The following TSHZ2 variants were observed in gnomAD, a reference collection of about 807,000 sequenced individuals.
TSHZ2 encodes teashirt zinc finger homeobox 2.
TSHZ2 carries 21 observed loss-of-function variants against 74.4 expected under a neutral mutation model. That is an observed-to-expected ratio of 0.28 (90% CI 0.20 to 0.41). The LOEUF (loss-of-function observed/expected upper bound fraction) is 0.41, where lower values mean the gene tolerates loss of function less well. TSHZ2 is among the 10% of genes least tolerant of loss of function. The pLI is 1.00. For synonymous variants in TSHZ2, 540 were observed against 515.3 expected (o/e 1.05, Z -0.65); for missense variants, 1,244 against 1,293.5 (o/e 0.96, Z 0.59).
chr20:53,134,370 G>A (rs1012104190), intron 1 of TSHZ2, among the ~76,000 whole-genome samples: 4 of 152,192 alleles, frequency 2.6e-5, no homozygotes, highest in African/African-American at 9.6e-5. Context: ...GAAAGGTTTT[G>A]TAAAAAAGAA....
intron 1 of TSHZ2, among the ~76,000 whole-genome samples, chr20:52,991,223 T>C (rs13036776): frequency 0.25 from 34,121 of 137,656 alleles, 1,420 homozygotes; most frequent in Non-Finnish European, 0.35. Flanking sequence ...GGATTATGTA[T>C]GTTGTGGGTA....
chr20:53,214,775 AGGGTG>A (rs912237883), intron 1 of TSHZ2, among the ~76,000 whole-genome samples: 2 of 152,150 alleles, frequency 1.3e-5, no homozygotes, highest in African/African-American at 4.8e-5. Flanking sequence ...GAAGGAAGGG[AGGGTG>A]TGTAGAGTGT....
intron 2 of TSHZ2, among the ~76,000 whole-genome samples, chr20:53,312,576 T>C (rs148117666): frequency 4.6e-4 from 70 of 152,362 alleles, no homozygotes; most frequent in African/African-American, 1.6e-3. Flanking sequence ...CCAGTCGCTC[T>C]ATCTCTCTAA....
intron 2 of TSHZ2, among the ~76,000 whole-genome samples, chr20:53,419,912 G>A (rs1983406522): frequency 1.3e-5 from 2 of 152,338 alleles, no homozygotes; most frequent in South Asian, 4.1e-4. Context: ...AATACGTCCT[G>A]CTGAGCCAGG....
At chr20:52,973,757 G>A (rs920106830) in intron 1 of TSHZ2, among the ~76,000 whole-genome samples, 2 of 152,134 alleles carry the variant, frequency 1.3e-5, no homozygotes, top group Admixed American at 1.3e-4. Context: ...TGGGGCTTGG[G>A]GCGCTGAAGT....
Position 53,149,777 on chromosome 20 carries a change from G to A in TSHZ2, c.41-103722G>A, listed in dbSNP as rs181513478. On this transcript the variant is annotated intron_variant, in intron 1 of 2. Transcript: ENST00000371497. Reference sequence around the variant, plus strand: ...AAAGCAGAGGGTCCCAATAAATCACGAGGCAAAACTGAGACCTGCTGGCAG... The same window carrying A: ...AAAGCAGAGGGTCCCAATAAATCACAAGGCAAAACTGAGACCTGCTGGCAG... Among the ~76,000 whole-genome samples the A allele has an allele frequency of 3.6e-3, 546 of 152,266 alleles. 5 individuals are homozygous for A. The highest frequency in any genetic ancestry group is 2.8e-3 in the Non-Finnish European group (191 of 68,024).
intron 1 of TSHZ2, among the ~76,000 whole-genome samples, chr20:53,016,333 C>T (rs1424691149): frequency 6.6e-6 from 1 of 152,172 alleles, no homozygotes; most frequent in Non-Finnish European, 1.5e-5. Flanking sequence ...ATTAAAGCCT[C>T]CACTAAACAG....
chr20:53,364,203 G>A (rs183366743), intron 2 of TSHZ2, among the ~76,000 whole-genome samples: 186 of 152,306 alleles, frequency 1.2e-3, no homozygotes, highest in African/African-American at 4.3e-3. Flanking sequence ...TGGGAGGAAG[G>A]TGCTTCTGCT....
At chr20:53,186,537 C>T (rs1568801506) in intron 1 of TSHZ2, among the ~76,000 whole-genome samples, 1 of 152,226 alleles carries the variant, frequency 6.6e-6, no homozygotes, top group Non-Finnish European at 1.5e-5. Context: ...TATGTGCTCA[C>T]ATCCATCTCA....
At chr20:53,417,975 T>C (rs181508066) in intron 2 of TSHZ2, among the ~76,000 whole-genome samples, 1 of 152,204 alleles carries the variant, frequency 6.6e-6, no homozygotes, top group East Asian at 1.9e-4. Flanking sequence ...AGAGCTACAT[T>C]CTAGTAAAAG....
chr20:52,993,502 A>G (rs1256348286), intron 1 of TSHZ2, among the ~76,000 whole-genome samples: 1 of 152,188 alleles, frequency 6.6e-6, no homozygotes, highest in Non-Finnish European at 1.5e-5. Context: ...GCGCCCCTCC[A>G]CAAGAAAAGT....
At chr20:53,325,331 A>G (rs2145533809) in intron 2 of TSHZ2, among the ~76,000 whole-genome samples, 1 of 152,306 alleles carries the variant, frequency 6.6e-6, no homozygotes, top group Admixed American at 6.5e-5. Flanking sequence ...TTCCCTGAAA[A>G]TCTAGATCTA....
At chr20:53,242,648 A>AACC (rs546723901) in intron 1 of TSHZ2, among the ~76,000 whole-genome samples, 1 of 151,688 alleles carries the variant, frequency 6.6e-6, no homozygotes, top group Non-Finnish European at 1.5e-5. Flanking sequence ...GTGAGTTTAA[A>AACC]CCCATGTGCA....
chr20:53,052,564 G>A (rs576374970), intron 1 of TSHZ2, among the ~76,000 whole-genome samples: 2 of 152,172 alleles, frequency 1.3e-5, no homozygotes, highest in Non-Finnish European at 2.9e-5. Context: ...GCCTAAAAGG[G>A]TTAGGGTACT....
intron 1 of TSHZ2, among the ~76,000 whole-genome samples, chr20:53,220,375 G>T (rs1989525911): frequency 6.6e-6 from 1 of 152,204 alleles, no homozygotes; most frequent in African/African-American, 2.4e-5. Context: ...CACTGACTTG[G>T]GAAGAATTAG....
intron 2 of TSHZ2, among the ~76,000 whole-genome samples, chr20:53,464,432 C>G (rs930080295): frequency 3.3e-5 from 5 of 151,906 alleles, no homozygotes; most frequent in Non-Finnish European, 4.4e-5. Flanking sequence ...AGGGGTAGAA[C>G]AGGAGCAAAG....
Position 53,207,333 on chromosome 20 carries a change from G to C in TSHZ2, c.41-46166G>C, listed in dbSNP as rs111778584. Among the ~76,000 whole-genome samples the C allele has an allele frequency of 2.1e-3, 323 of 152,132 alleles. 1 individual carries two copies. Among genetic ancestry groups the C allele is most frequent in the African/African-American group, 7.2e-3 (299 of 41,492 alleles). ...GGGAGTTGTTGTTTTTTTCAGGGGT[G>C]GGGGGCACTTAACATCTTATTTTGC... On this transcript the variant is annotated intron_variant, in intron 1 of 2. Coordinates refer to ENST00000371497, the MANE Select transcript of TSHZ2 (RefSeq NM_173485.6).
intron 1 of TSHZ2, among the ~76,000 whole-genome samples, chr20:53,244,727 T>C (rs1990160264): frequency 6.6e-6 from 1 of 152,210 alleles, no homozygotes; most frequent in South Asian, 2.1e-4. Context: ...TTTTCTCAGA[T>C]GGTGGGTTGC....
intron 1 of TSHZ2, among the ~76,000 whole-genome samples, chr20:53,228,021 T>G (rs1410097672): frequency 4.0e-5 from 3 of 74,270 alleles, no homozygotes; most frequent in Admixed American, 3.3e-4. Context: ...CAAATGGTGT[T>G]TTTTTTTTTT....
Sources: allele counts gnomAD v4.1 joint callset (sites outside exome capture counted in the v4.1 genomes callset), GRCh38; gene constraint gnomAD v4.1.1; transcripts MANE v1.5; gene names NCBI Gene and HGNC (gene_info 2026-07-23, HGNC 2026-07-21).